The following ATP7A variants were observed in gnomAD, a reference collection of about 807,000 sequenced individuals.
ATP7A encodes copper-transporting ATPase 1.
In ATP7A, 7 loss-of-function variants were observed where a neutral mutation model predicts 83.5. The ratio of observed to expected loss-of-function variants is 0.08; its 90% CI spans 0.05 to 0.16. The LOEUF (loss-of-function observed/expected upper bound fraction) is 0.16. Ranked by LOEUF, ATP7A falls within the 10% of genes least tolerant of loss-of-function variation. The pLI is 1.00. For missense variants in ATP7A, 940 were observed against 1,120.8 expected (o/e 0.84, Z 2.30); for synonymous variants, 354 against 395.2 (o/e 0.90, Z 1.24).
intron 1 of ATP7A, among the ~76,000 whole-genome samples, chrX:77,929,636 CTTTTTT>C (rs782018510): frequency 8.3e-5 from 8 of 96,448 alleles, no homozygotes; most frequent in South Asian, 4.4e-4. Context: ...TTTTCTTTTT[CTTTTTT>C]TTTTTTTTTG....
chrX:78,012,603 AAAAAAAAGGAAG>A (rs2077835014), intron 9 of ATP7A, among the ~76,000 whole-genome samples: 1 of 108,875 alleles, frequency 9.2e-6, no homozygotes, highest in African/African-American at 3.3e-5. Context: ...AAAAAAAAAA[AAAAAAAAGGAAG>A]AAATATCTGA....
intron 6 of ATP7A, among the ~76,000 whole-genome samples, chrX:78,008,395 G>A (rs782183662): frequency 4.1e-4 from 45 of 111,081 alleles, no homozygotes; most frequent in Non-Finnish European, 1.7e-4. Flanking sequence ...ATAATTTAAC[G>A]CCCAGCTAAA....
rs782125040 is a variant in ATP7A at position 77,922,542 on chromosome X, C to T, written c.-22+11707C>T. 3.6e-5 allele frequency among the ~76,000 whole-genome samples: 4 copies of T among 110,971 alleles called. No individual in the cohort carries two copies. The East Asian group carries it at 8.6e-4, about 24-fold the overall frequency. ...TTATATGTAGACACACATATAATAC[C>T]CTCCTAGACTTACATACACACACCC... On this transcript the variant is annotated intron_variant, in intron 1 of 22. Transcript: ENST00000341514.
chrX:78,031,526 G>A lies in ATP7A; in HGVS notation c.3238G>A (p.Ala1080Thr). 1 of 1,211,321 alleles carries A rather than the reference G, an allele frequency of 8.3e-7. No individual in the cohort carries two copies. Among genetic ancestry groups the A allele is most frequent in the Non-Finnish European group, 1.1e-6 (1 of 895,102 alleles). Residue 1080 changes from alanine (A) to threonine (T), a missense_variant, in exon 16 of 23, where the codon GCT becomes ACT. This residue lies in a region of ATP7A where 386 missense variants were observed against 502.2 expected (regional missense o/e 0.77). Transcript: ENST00000341514. ...TAAAATCTTGGCCATTGTGGGAACT[G>A]CTGAAAGTAACAGTGAACACCCTCT... Reference protein sequence around the residue: ...HHKILAIVGTAESNSEHPLGT... With the variant: ...HHKILAIVGTTESNSEHPLGT...
At chrX:77,929,630 CTTTTT>C (rs2077260974) in intron 1 of ATP7A, among the ~76,000 whole-genome samples, 1 of 103,224 alleles carries the variant, frequency 9.7e-6, no homozygotes, top group African/African-American at 3.7e-5. Flanking sequence ...TGTTTCTTTT[CTTTTT>C]CTTTTTTTTT....
At chrX:77,987,383 G>A (rs2077642695) in intron 2 of ATP7A, among the ~76,000 whole-genome samples, 2 of 109,133 alleles carry the variant, frequency 1.8e-5, no homozygotes, top group Admixed American at 2.0e-4. Flanking sequence ...AATGGGTGTG[G>A]TTAGCTAATA....
chrX:78,020,971 A>T lies in ATP7A; in HGVS notation c.2808A>T (p.Lys936Asn). The change falls in exon 14 of 23, where the codon AAA becomes AAT. Residue 936 changes from lysine to asparagine, a missense_variant. Lys to Asn is a moderately conservative substitution (Grantham distance 94). Coordinates refer to ENST00000341514, the MANE Select transcript of ATP7A (RefSeq NM_000052.7). Reference sequence around the variant, plus strand: ...CTCCTATCCAGCAGTTTGCAGACAAACTCAGTGGCTATTTTGTTCCTTTTA... The same window carrying T: ...CTCCTATCCAGCAGTTTGCAGACAATCTCAGTGGCTATTTTGTTCCTTTTA... ...SKAPIQQFAD[K>N]LSGYFVPFIV... 1 of 1,207,071 alleles carries T rather than the reference A, an allele frequency of 8.3e-7. No individual in the cohort carries two copies. Among genetic ancestry groups the T allele is most frequent in the Non-Finnish European group, 1.1e-6 (1 of 891,549 alleles).
At chrX:78,033,101 A>AT (rs1369027886) in intron 16 of ATP7A, among the ~76,000 whole-genome samples, 9 of 111,221 alleles carry the variant, frequency 8.1e-5, no homozygotes, top group Non-Finnish European at 1.1e-4. Context: ...TAAAACAAAG[A>AT]TTTTTTTTTA....
chrX:78,022,524 T>TATTC, intron 14 of ATP7A, among the ~76,000 whole-genome samples: 1 of 109,564 alleles, frequency 9.1e-6, no homozygotes, highest in Middle Eastern at 4.7e-3. Context: ...TTTATTTATT[T>TATTC]ATTTATTTAT....
At chrX:77,990,920 A>C (rs1016226713) in intron 4 of ATP7A, among the ~76,000 whole-genome samples, 1 of 112,321 alleles carries the variant, frequency 8.9e-6, no homozygotes, top group Admixed American at 9.5e-5. Context: ...AAAAAATTTT[A>C]CTAAACACAT....
At chrX:77,991,287 C>G (rs1557232048) in intron 4 of ATP7A, among the ~76,000 whole-genome samples, 1 of 112,034 alleles carries the variant, frequency 8.9e-6, no homozygotes, top group East Asian at 2.8e-4. Context: ...TTTGACTATT[C>G]TAGGGACATC....
At chrX:77,931,794 G>C (rs2077279704) in intron 1 of ATP7A, among the ~76,000 whole-genome samples, 1 of 102,727 alleles carries the variant, frequency 9.7e-6, no homozygotes, top group African/African-American at 3.6e-5. Flanking sequence ...CTCCCTCCTG[G>C]ACGGGGCGGC....
At chrX:78,022,505 GTTTATTTA>G (rs34027769) in intron 14 of ATP7A, among the ~76,000 whole-genome samples, 7 of 95,804 alleles carry the variant, frequency 7.3e-5, no homozygotes, top group South Asian at 1.1e-3. Flanking sequence ...TTGTTTGTTT[GTTTATTTA>G]TTTATTTATT....
At chrX:78,024,577 G>GT (rs781813234) in intron 14 of ATP7A, among the ~76,000 whole-genome samples, 6 of 111,699 alleles carry the variant, frequency 5.4e-5, no homozygotes, top group African/African-American at 1.6e-4. Flanking sequence ...TGCCGCTTGG[G>GT]TTTTTTCCAA....
intron 2 of ATP7A, among the ~76,000 whole-genome samples, chrX:77,980,441 A>G (rs2077598508): frequency 1.8e-5 from 2 of 109,817 alleles, no homozygotes; most frequent in Non-Finnish European, 3.8e-5. Flanking sequence ...CGAGACTCCA[A>G]CTCAAAAAGT....
At chrX:78,017,448 C>A (rs781984223) in intron 12 of ATP7A, among the ~76,000 whole-genome samples, 64 of 112,352 alleles carry the variant, frequency 5.7e-4, no homozygotes, top group African/African-American at 2.1e-3. Flanking sequence ...TTTGGCTCCT[C>A]GTTACTTATG....
chrX:77,958,103 C>T (rs900769541), intron 1 of ATP7A, among the ~76,000 whole-genome samples: 3 of 110,173 alleles, frequency 2.7e-5, no homozygotes, highest in Admixed American at 9.8e-5. Context: ...TGTTTTTCAC[C>T]ATCTCTTACA....
In ATP7A at chrX:78,049,222, A is replaced by C. The variant is rs1319909380; in HGVS notation, c.*2652A>C. ...GCTAGCTTTAAGTCAGGAGTTAGTA[A>C]TGAGAAATTTTATAAATGTGTATTT... On this transcript the variant is annotated 3_prime_UTR_variant, in exon 23 of 23. Transcript: ENST00000341514. 1 of 111,793 alleles carries C rather than the reference A, an allele frequency of 8.9e-6. No homozygotes were observed. The highest frequency in any genetic ancestry group is 1.9e-5 in the Non-Finnish European group (1 of 53,089). 9.2% of individuals were successfully genotyped at this position (111,793 alleles called of 1,213,427 possible).
chrX:77,921,098 C>T (rs145263488), intron 1 of ATP7A, among the ~76,000 whole-genome samples: 97 of 111,864 alleles, frequency 8.7e-4, no homozygotes, highest in Middle Eastern at 4.6e-3. Flanking sequence ...TGGGTAATAA[C>T]GTTTTAACTG....
Sources: allele counts gnomAD v4.1 joint callset (sites outside exome capture counted in the v4.1 genomes callset), GRCh38; gene constraint gnomAD v4.1.1; regional missense constraint gnomAD v4.1.1; transcripts MANE v1.5; gene names NCBI Gene and HGNC (gene_info 2026-07-23, HGNC 2026-07-21).